The following KIF26B variants were observed in gnomAD, a reference collection of about 807,000 sequenced individuals.
KIF26B encodes kinesin family member 26B, also known as kinesin-like protein KIF26B.
Under a neutral mutation model 151.2 loss-of-function variants are expected in KIF26B, and 63 were observed. That is an observed-to-expected ratio of 0.42 (90% CI 0.34 to 0.51). KIF26B has a LOEUF of 0.51. KIF26B is among the 20% of genes least tolerant of loss of function. KIF26B has a pLI of 0.07. For missense variants in KIF26B, 2,813 were observed against 2,913.6 expected, an observed-to-expected ratio of 0.97 and a Z score of 0.79; for synonymous variants, 1,357 against 1,262.1, an observed-to-expected ratio of 1.08 and a Z score of -1.59.
At chr1:245,300,726 G>A (rs890809571) in intron 2 of KIF26B, among the ~76,000 whole-genome samples, 9 of 150,728 alleles carry the variant, frequency 6.0e-5, no homozygotes, top group South Asian at 2.1e-4. Context: ...ACGGGGTTTC[G>A]CCATATTGAC....
At chr1:245,652,159 G>T (rs2044026540) in intron 10 of KIF26B, among the ~76,000 whole-genome samples, 1 of 138,224 alleles carries the variant, frequency 7.2e-6, no homozygotes, top group Non-Finnish European at 1.5e-5. Flanking sequence ...AGAGACATAT[G>T]CATATTTAAC....
intron 2 of KIF26B, among the ~76,000 whole-genome samples, chr1:245,294,400 T>G (rs372627802): frequency 6.6e-6 from 1 of 152,120 alleles, no homozygotes; most frequent in African/African-American, 2.4e-5. Flanking sequence ...TTTGGAGGAG[T>G]TGGATAGCTT....
At chr1:245,532,248 C>CTTTTTTTTTT (rs74163062) in intron 4 of KIF26B, among the ~76,000 whole-genome samples, 9 of 121,484 alleles carry the variant, frequency 7.4e-5, no homozygotes, top group African/African-American at 2.6e-4. Context: ...CTTTTCTTTT[C>CTTTTTTTTTT]TTTTTTTTTT....
chr1:245,371,142 T>G (rs1486950118), intron 3 of KIF26B, among the ~76,000 whole-genome samples: 1 of 152,120 alleles, frequency 6.6e-6, no homozygotes, highest in Non-Finnish European at 1.5e-5. Flanking sequence ...TTCATGCATT[T>G]CCCCTCAGTA....
chr1:245,429,463 C>T (rs1214894188), intron 4 of KIF26B, among the ~76,000 whole-genome samples: 2 of 152,178 alleles, frequency 1.3e-5, no homozygotes, highest in Non-Finnish European at 2.9e-5. Flanking sequence ...CCTTAAATCT[C>T]ACCTGTTACG....
chr1:245,455,226 C>T (rs535059010), intron 4 of KIF26B, among the ~76,000 whole-genome samples: 63 of 152,284 alleles, frequency 4.1e-4, no homozygotes, highest in African/African-American at 1.5e-3. Context: ...ATACTACAGG[C>T]CGGGCATGGT....
At chr1:245,547,749 G>T (rs1204088976) in intron 5 of KIF26B, among the ~76,000 whole-genome samples, 1 of 152,152 alleles carries the variant, frequency 6.6e-6, no homozygotes, top group African/African-American at 2.4e-5. Flanking sequence ...AATTAGATCA[G>T]ATTTATGATA....
At chr1:245,216,946 G>A (rs568365722) in intron 2 of KIF26B, among the ~76,000 whole-genome samples, 1 of 152,294 alleles carries the variant, frequency 6.6e-6, no homozygotes, top group African/African-American at 2.4e-5. Context: ...ATCTGTTAGA[G>A]AGGCAACACA....
chr1:245,423,931 C>G (rs372450639), intron 4 of KIF26B, among the ~76,000 whole-genome samples: 67 of 152,044 alleles, frequency 4.4e-4, no homozygotes, highest in Admixed American at 4.3e-3. Context: ...CTCAGCCTCC[C>G]GGGCTCAAGC....
intron 4 of KIF26B, among the ~76,000 whole-genome samples, chr1:245,437,971 A>G (rs961494462): frequency 3.9e-5 from 6 of 152,140 alleles, no homozygotes; most frequent in Non-Finnish European, 7.4e-5. Context: ...TTTCCCTCTC[A>G]TTACTCTCTT....
intron 4 of KIF26B, among the ~76,000 whole-genome samples, chr1:245,458,938 T>C (rs1306619353): frequency 6.6e-6 from 1 of 152,220 alleles, no homozygotes; most frequent in Non-Finnish European, 1.5e-5. Context: ...CCCCACGCTA[T>C]AATTTTGTTG....
chr1:245,201,273 A>G (rs1464062090), intron 2 of KIF26B, among the ~76,000 whole-genome samples: 1 of 152,256 alleles, frequency 6.6e-6, no homozygotes, highest in East Asian at 1.9e-4. Context: ...TTTTGAAATA[A>G]CATAGCAGTT....
In KIF26B at chr1:245,287,661, G is replaced by A. The variant is rs148359667; in HGVS notation, c.466-79173G>A. Reference sequence around the variant, plus strand: ...TGGGATTACAGGCATGCGTCACCACGCCCGGCTAATTTTGTATTTTTATTA... The same window carrying A: ...TGGGATTACAGGCATGCGTCACCACACCCGGCTAATTTTGTATTTTTATTA... On this transcript the variant is annotated intron_variant, in intron 2 of 14. Transcript: ENST00000407071. Among the ~76,000 whole-genome samples the A allele has an allele frequency of 2.1e-3, 317 of 152,036 alleles. 1 individual carries two copies. The highest frequency in any genetic ancestry group is 7.2e-3 in the African/African-American group (300 of 41,506).
At chr1:245,287,793 G>A (rs919296501) in intron 2 of KIF26B, among the ~76,000 whole-genome samples, 10 of 152,064 alleles carry the variant, frequency 6.6e-5, no homozygotes, top group Non-Finnish European at 1.2e-4. Context: ...GTGAGGCACC[G>A]CGCCCGGCCT....
At chr1:245,483,236 A>T (rs1660206343) in intron 4 of KIF26B, among the ~76,000 whole-genome samples, 1 of 151,854 alleles carries the variant, frequency 6.6e-6, no homozygotes, top group Non-Finnish European at 1.5e-5. Context: ...TCCACAGTTA[A>T]CATGCATAGA....
intron 2 of KIF26B, among the ~76,000 whole-genome samples, chr1:245,209,481 C>G (rs140900601): frequency 4.0e-5 from 6 of 151,842 alleles, no homozygotes; most frequent in East Asian, 1.9e-4. Flanking sequence ...GAGACAAGTA[C>G]AGAAACACGT....
intron 2 of KIF26B, among the ~76,000 whole-genome samples, chr1:245,303,218 C>CTTA (rs1558381529): frequency 9.9e-5 from 8 of 80,588 alleles, no homozygotes; most frequent in African/African-American, 2.5e-4. Context: ...TTTTTTTTTG[C>CTTA]GACGGAGTCT....
intron 2 of KIF26B, among the ~76,000 whole-genome samples, chr1:245,203,292 T>G (rs889007629): frequency 6.0e-5 from 9 of 150,954 alleles, no homozygotes; most frequent in Non-Finnish European, 7.4e-5. Context: ...GAAGCTGATT[T>G]TGGCATCCAT....
At chr1:245,683,082 T>C (rs2044460833) in intron 10 of KIF26B, among the ~76,000 whole-genome samples, 1 of 152,190 alleles carries the variant, frequency 6.6e-6, no homozygotes, top group Non-Finnish European at 1.5e-5. Context: ...GCTATTGCTC[T>C]TACCCCACAG....
Sources: allele counts gnomAD v4.1 joint callset (sites outside exome capture counted in the v4.1 genomes callset), GRCh38; gene constraint gnomAD v4.1.1; transcripts MANE v1.5; gene names NCBI Gene and HGNC (gene_info 2026-07-23, HGNC 2026-07-21).